Variants in MCF2 observed in about 807,000 individuals in gnomAD.
The protein encoded by MCF2 is proto-oncogene DBL.
In MCF2, 44 loss-of-function variants were observed where a neutral mutation model predicts 82.5. The observed-to-expected ratio is 0.53, with a 90% CI of 0.42 to 0.69. The LOEUF is 0.69. Ranked by LOEUF, MCF2 falls within the 30% of genes least tolerant of loss-of-function variation. The probability of loss-of-function intolerance (pLI) is 0.00; values close to 1 mark genes in which losing one functional copy is unlikely to be tolerated. For synonymous variants in MCF2, 217 were observed against 224.9 expected (o/e 0.96, Z 0.32); for missense variants, 623 against 663.1 (o/e 0.94, Z 0.66).
intron 1 of MCF2, among the ~76,000 whole-genome samples, chrX:139,666,995 T>G (rs1313774167): frequency 9.0e-6 from 1 of 111,513 alleles, no homozygotes; most frequent in Non-Finnish European, 1.9e-5. Context: ...ATCTAGTGTA[T>G]TATTGATGCT....
intron 24 of MCF2, among the ~76,000 whole-genome samples, chrX:139,584,447 T>C (rs1250358365): frequency 9.0e-6 from 1 of 111,441 alleles, no homozygotes; most frequent in Non-Finnish European, 1.9e-5. Context: ...TTTAGAAAAG[T>C]AGGGATTTAC....
chrX:139,585,333 C>T (rs183480389), intron 23 of MCF2, among the ~76,000 whole-genome samples, 155 bp from the exon 28 acceptor site: 1 of 111,837 alleles, frequency 8.9e-6, no homozygotes, highest in African/African-American at 3.2e-5. Flanking sequence ...CTCATCCTGG[C>T]CACATTAAAC....
exon 1 of MCF2, chrX:139,642,709 G>C: frequency 9.3e-7 from 1 of 1,080,276 alleles, no homozygotes. Context: ...CACTATCCCT[G>C]ATTAGTCAGC....
At chrX:139,627,094 T>C in intron 4 of MCF2, among the ~76,000 whole-genome samples, 1 of 111,700 alleles carries the variant, frequency 9.0e-6, no homozygotes, top group Non-Finnish European at 1.9e-5. Context: ...CTGCTAATAT[T>C]TTATTTTTAT....
At chrX:139,679,908 G>T (rs1002311046) in intron 1 of MCF2, among the ~76,000 whole-genome samples, 1 of 109,749 alleles carries the variant, frequency 9.1e-6, no homozygotes, top group Non-Finnish European at 1.9e-5. Flanking sequence ...CAATATGATA[G>T]TGAGCTCCCT....
chrX:139,612,029 A>G (rs1192197562), intron 10 of MCF2, among the ~76,000 whole-genome samples: 2 of 110,736 alleles, frequency 1.8e-5, no homozygotes, highest in East Asian at 2.8e-4. Context: ...ACAGTTGCCA[A>G]GGCCAGGATG....
At chrX:139,629,634 T>G in intron 4 of MCF2, 61 bp downstream of exon 7, 1 of 1,069,286 alleles carries the variant, frequency 9.4e-7, no homozygotes, top group South Asian at 2.0e-5. Flanking sequence ...ATGGAGATAA[T>G]AAACACCTCT....
chrX:139,691,835 C>T, intron 1 of MCF2: 2 of 831,757 alleles, frequency 2.4e-6, no homozygotes, highest in Non-Finnish European at 3.5e-6. Context: ...AAAAGCCGGC[C>T]GGGCTGGGGA....
chrX:139,616,293 G>A, exon 9 of MCF2: 1 of 1,102,823 alleles, frequency 9.1e-7, no homozygotes, highest in Non-Finnish European at 1.2e-6. Context: ...TTAAGCTCAG[G>A]AGATAATATT....
At chrX:139,697,751 G>T (rs1212986544) in intron 1 of MCF2, among the ~76,000 whole-genome samples, 2 of 111,912 alleles carry the variant, frequency 1.8e-5, no homozygotes, top group Non-Finnish European at 3.8e-5. Flanking sequence ...TCAATTTGTT[G>T]CCATTTTAAA....
intron 19 of MCF2, 64 bp downstream of exon 23, chrX:139,596,485 T>C (rs773195762): frequency 9.5e-5 from 84 of 884,990 alleles, no homozygotes; most frequent in Non-Finnish European, 1.3e-4. Flanking sequence ...ACAAAAAAAA[T>C]GTACAAACTG....
At chrX:139,700,903 G>A (rs931166561) in intron 1 of MCF2, among the ~76,000 whole-genome samples, 30 of 111,672 alleles carry the variant, frequency 2.7e-4, no homozygotes, top group Admixed American at 7.6e-4. Context: ...GAAGCCTTGC[G>A]ATTTGGAGAC....
chrX:139,673,820 T>C (rs1569396080), intron 1 of MCF2, among the ~76,000 whole-genome samples: 3 of 111,923 alleles, frequency 2.7e-5, no homozygotes. Context: ...GTTCTGTAGA[T>C]GTCTATTAGG....
At chrX:139,630,686 AT>A (rs1932894271) in intron 3 of MCF2, among the ~76,000 whole-genome samples, 1 of 112,073 alleles carries the variant, frequency 8.9e-6, no homozygotes, top group Non-Finnish European at 1.9e-5. Flanking sequence ...TGGAATCCTA[AT>A]TTAATGGGAC....
intron 1 of MCF2, among the ~76,000 whole-genome samples, chrX:139,636,294 C>T (rs1933215502): frequency 9.0e-6 from 1 of 110,996 alleles, no homozygotes; most frequent in Admixed American, 9.7e-5. Flanking sequence ...GGTAAATTCC[C>T]ATTATATTAT....
chrX:139,607,824 T>C (rs745662909), intron 11 of MCF2, 45 bp from the exon 16 acceptor site: 4 of 895,912 alleles, frequency 4.5e-6, no homozygotes, highest in Non-Finnish European at 6.4e-6. Flanking sequence ...TCTGTAGGTA[T>C]AATTTTTCTT....
intron 1 of MCF2, among the ~76,000 whole-genome samples, chrX:139,705,033 T>C (rs903555723): frequency 1.8e-5 from 2 of 111,770 alleles, no homozygotes; most frequent in Non-Finnish European, 3.8e-5. Flanking sequence ...CTTGGGTGGC[T>C]GGGCACAGTG....
chrX:139,658,836 C>T (rs1934275417), intron 1 of MCF2, among the ~76,000 whole-genome samples: 2 of 108,964 alleles, frequency 1.8e-5, no homozygotes, highest in Non-Finnish European at 3.8e-5. Flanking sequence ...CCACTATGCC[C>T]AGCTAATTTT....
intron 1 of MCF2, among the ~76,000 whole-genome samples, chrX:139,637,353 C>T (rs1422780824): frequency 9.0e-6 from 1 of 111,562 alleles, no homozygotes; most frequent in African/African-American, 3.3e-5. Context: ...GTGTTGTTTT[C>T]ATCCCTCGTG....
Sources: allele counts gnomAD v4.1 joint callset (sites outside exome capture counted in the v4.1 genomes callset), GRCh38; gene constraint gnomAD v4.1.1; transcripts MANE v1.5; gene names NCBI Gene and HGNC (gene_info 2026-07-23, HGNC 2026-07-21).